FGF14: variants seen among roughly 807,000 people sequenced by gnomAD.
The protein encoded by FGF14 is fibroblast growth factor 14.
Under a neutral mutation model 25.5 loss-of-function variants are expected in FGF14, and 5 were observed. The observed-to-expected ratio is 0.20, with a 90% CI of 0.10 to 0.41. The LOEUF (loss-of-function observed/expected upper bound fraction) is 0.41. FGF14 is among the 10% of genes least tolerant of loss of function. The pLI is 1.00. For missense variants in FGF14, 222 were observed against 320.1 expected (o/e 0.69, Z 2.34); for synonymous variants, 138 against 118.3 (o/e 1.17, Z -1.08).
intron 1 of FGF14, among the ~76,000 whole-genome samples, chr13:102,093,716 C>A (rs145871727): frequency 6.6e-6 from 1 of 150,548 alleles, no homozygotes; most frequent in East Asian, 1.9e-4. Context: ...CATGACATTA[C>A]AAGAAACAGT....
At chr13:101,974,450 C>T (rs761945520) in intron 1 of FGF14, among the ~76,000 whole-genome samples, 4 of 152,126 alleles carry the variant, frequency 2.6e-5, no homozygotes, top group East Asian at 1.9e-4. Flanking sequence ...TAGCTATATG[C>T]CTAGTTTATA....
At chr13:102,220,618 A>G (rs1276520800) in intron 1 of FGF14, among the ~76,000 whole-genome samples, 3 of 152,242 alleles carry the variant, frequency 2.0e-5, no homozygotes, top group Non-Finnish European at 4.4e-5. Context: ...ATATTTGATC[A>G]CGTTCTTGCT....
At chr13:102,393,357 AGTTTT>A (rs1307924298) in intron 1 of FGF14, among the ~76,000 whole-genome samples, 8 of 152,300 alleles carry the variant, frequency 5.3e-5, no homozygotes, top group East Asian at 1.9e-4. Context: ...GTGTTTACTA[AGTTTT>A]GTTTTTTGTT....
intron 1 of FGF14, among the ~76,000 whole-genome samples, chr13:102,230,477 A>G (rs1044570939): frequency 3.3e-5 from 5 of 152,164 alleles, no homozygotes; most frequent in African/African-American, 1.2e-4. Context: ...CATAAAAGGT[A>G]TACTGGGAGT....
chr13:102,056,607 G>A (rs748341542), intron 1 of FGF14, among the ~76,000 whole-genome samples: 1 of 152,006 alleles, frequency 6.6e-6, no homozygotes. Context: ...CAAATTATAT[G>A]CAATAGTTGC....
chr13:102,154,946 T>TA (rs1478325899), intron 1 of FGF14, among the ~76,000 whole-genome samples: 1 of 152,094 alleles, frequency 6.6e-6, no homozygotes, highest in Non-Finnish European at 1.5e-5. Flanking sequence ...AAGGATCAAT[T>TA]CAACAAGAAG....
chr13:101,955,082 C>T (rs75319831), intron 1 of FGF14, among the ~76,000 whole-genome samples: 1 of 152,190 alleles, frequency 6.6e-6, no homozygotes, highest in Admixed American at 6.5e-5. Context: ...TGTACTGAGG[C>T]CTCTAACTCT....
At chr13:102,042,014 C>A (rs998394974) in intron 1 of FGF14, among the ~76,000 whole-genome samples, 3 of 152,156 alleles carry the variant, frequency 2.0e-5, no homozygotes, top group Non-Finnish European at 4.4e-5. Context: ...TCCAACACAA[C>A]AAAATGTTTG....
chr13:101,761,694 T>C (rs2139908990), intron 3 of FGF14, among the ~76,000 whole-genome samples: 1 of 152,322 alleles, frequency 6.6e-6, no homozygotes, highest in East Asian at 1.9e-4. Flanking sequence ...CTTGATCTGA[T>C]CACTGTACAC....
chr13:101,812,628 TATATATATATATATA>T (rs1566931027), intron 3 of FGF14, among the ~76,000 whole-genome samples: 1 of 10,242 alleles, frequency 9.8e-5, no homozygotes, highest in Non-Finnish European at 2.7e-4. Context: ...TATATATATA[TATATATATATATATA>T]TATATATATA....
intron 1 of FGF14, among the ~76,000 whole-genome samples, chr13:102,093,910 G>T (rs1413047645): frequency 6.7e-6 from 1 of 150,336 alleles, no homozygotes; most frequent in Non-Finnish European, 1.5e-5. Context: ...TGGACTTTTT[G>T]CAAAATACCT....
At chr13:101,789,881 A>G (rs1418591898) in intron 3 of FGF14, among the ~76,000 whole-genome samples, 1 of 151,586 alleles carries the variant, frequency 6.6e-6, no homozygotes, top group Non-Finnish European at 1.5e-5. Context: ...TAATATTTAA[A>G]TGACTTTACA....
intron 1 of FGF14, among the ~76,000 whole-genome samples, chr13:102,118,428 A>G (rs2045571286): frequency 6.6e-6 from 1 of 152,106 alleles, no homozygotes; most frequent in South Asian, 2.1e-4. Flanking sequence ...TGACAATAAA[A>G]GCCTCTATCA....
At chr13:102,272,917 G>C (rs2053321930) in intron 1 of FGF14, among the ~76,000 whole-genome samples, 1 of 152,142 alleles carries the variant, frequency 6.6e-6, no homozygotes, top group Non-Finnish European at 1.5e-5. Context: ...TTTAAAGATA[G>C]CTTCAAACGT....
At chr13:102,384,758 T>G (rs943532907) in intron 1 of FGF14, among the ~76,000 whole-genome samples, 1 of 152,238 alleles carries the variant, frequency 6.6e-6, no homozygotes, top group Non-Finnish European at 1.5e-5. Flanking sequence ...CCATCGCTTC[T>G]GATCAACTTG....
intron 1 of FGF14, among the ~76,000 whole-genome samples, chr13:102,030,036 G>C (rs542814347): frequency 6.8e-4 from 104 of 152,196 alleles, no homozygotes; most frequent in African/African-American, 2.4e-3. Context: ...TTTTAGGAGA[G>C]AAAAGTATTA....
At chr13:102,156,366 C>T (rs572667915) in intron 1 of FGF14, among the ~76,000 whole-genome samples, 1 of 152,284 alleles carries the variant, frequency 6.6e-6, no homozygotes, top group African/African-American at 2.4e-5. Context: ...ACACAAAAAT[C>T]AATAAATGTA....
In FGF14 at chr13:101,772,609, C is replaced by T. The variant is rs573897225; in HGVS notation, c.409-45799G>A. ...TTCACTCTAATTGGTAAGTTTAAAA[C>T]GACAGGAATAAATTATAGCACATAT... On this transcript the variant is annotated intron_variant, in intron 3 of 4. Transcript: ENST00000376143. Among the ~76,000 whole-genome samples the T allele has an allele frequency of 1.0e-3, 158 of 151,990 alleles. 1 individual carries two copies. The highest frequency in any genetic ancestry group is 3.2e-3 in the African/African-American group (131 of 41,460).
At chr13:102,177,418 T>C (rs553123478) in intron 1 of FGF14, among the ~76,000 whole-genome samples, 1 of 152,276 alleles carries the variant, frequency 6.6e-6, no homozygotes, top group East Asian at 1.9e-4. Flanking sequence ...CTCACTTCTT[T>C]AGATTGTAAA....
Sources: gnomAD v4.1 joint callset for allele counts (sites outside exome capture counted in the v4.1 genomes callset) on GRCh38, gnomAD v4.1.1 for gene constraint, MANE v1.5 for transcripts, NCBI Gene and HGNC (gene_info 2026-07-23, HGNC 2026-07-21) for gene names.